RIMS2: variants seen among roughly 807,000 people sequenced by gnomAD.
RIMS2 encodes regulating synaptic membrane exocytosis protein 2.
A neutral mutation model predicts 174.4 loss-of-function variants in RIMS2; 59 were observed. The observed-to-expected ratio is 0.34, with a 90% CI of 0.27 to 0.42. The LOEUF (loss-of-function observed/expected upper bound fraction) is 0.42, where lower values mean the gene tolerates loss of function less well. RIMS2 is among the 10% of genes least tolerant of loss of function. The pLI is 1.00. For synonymous variants in RIMS2, 606 were observed against 572.5 expected (o/e 1.06, Z -0.84); for missense variants, 1,620 against 1,666.3 (o/e 0.97, Z 0.48).
rs1325635648 is a variant in RIMS2, at chr8:103,608,368, T to C, written c.177-88718T>C. Among the ~76,000 whole-genome samples, 6 of 143,494 alleles carry C rather than the reference T, an allele frequency of 4.2e-5. 1 individual carries two copies. The highest frequency in any genetic ancestry group is 7.7e-5 in the Non-Finnish European group (5 of 65,320). The allele number at this position is 143,494 out of a possible 152,430, so 94.1% of individuals were successfully genotyped here. A position where few individuals can be genotyped will look rare whatever the true frequency, so the allele number is the denominator to read the frequency against. ...GCCCGTTCTCAGATCTCCAGCTGCGTACTGGGAGAACCACTGCTCTCTTCA... is the reference window on the plus strand; with the variant it reads ...GCCCGTTCTCAGATCTCCAGCTGCGCACTGGGAGAACCACTGCTCTCTTCA... On this transcript the variant is annotated intron_variant, in intron 1 of 23. Coordinates refer to ENST00000504942, the Ensembl canonical transcript of RIMS2.
chr8:103,582,047 G>C (rs1220440221), intron 1 of RIMS2, among the ~76,000 whole-genome samples: 1 of 152,208 alleles, frequency 6.6e-6, no homozygotes, highest in Non-Finnish European at 1.5e-5. Flanking sequence ...GAGGAGAGGA[G>C]AGGGAAGAGT....
intron 1 of RIMS2, among the ~76,000 whole-genome samples, chr8:103,585,818 C>T (rs1291332936): frequency 6.6e-6 from 1 of 151,650 alleles, no homozygotes; most frequent in Non-Finnish European, 1.5e-5. Flanking sequence ...ACAGGTGCAG[C>T]ATACCACCAT....
rs1566595008 is a variant in RIMS2 at position 104,131,767 on chromosome 8, T to C, written c.3335-113149T>C. ...GCAAGAGAGAAAAACATATGCACAG[T>C]GGATGGCAACTAAATCTGACCAAGG... On this transcript the variant is annotated intron_variant, in intron 19 of 23. Coordinates refer to ENST00000504942, the Ensembl canonical transcript of RIMS2. Among the ~76,000 whole-genome samples the C allele has an allele frequency of 2.6e-5, 4 of 152,224 alleles. No homozygotes were observed. In the East Asian group the frequency reaches 5.8e-4, roughly 22 times the overall value.
At chr8:104,234,837 A>G (rs949198002) in intron 19 of RIMS2, among the ~76,000 whole-genome samples, 4 of 152,150 alleles carry the variant, frequency 2.6e-5, no homozygotes, top group Non-Finnish European at 1.5e-5. Context: ...ATCAAGACAC[A>G]CAAGAGGTCA....
chr8:103,601,220 T>A (rs1202567377), intron 1 of RIMS2, among the ~76,000 whole-genome samples: 2 of 152,218 alleles, frequency 1.3e-5, no homozygotes, highest in Non-Finnish European at 2.9e-5. Flanking sequence ...CATGATGTGA[T>A]CCCATTTGTC....
intron 1 of RIMS2, among the ~76,000 whole-genome samples, chr8:103,553,922 G>C (rs575778329): frequency 1.2e-4 from 17 of 147,434 alleles, no homozygotes; most frequent in Admixed American, 9.6e-4. Flanking sequence ...TCTAATCTTC[G>C]ACAAACTCAA....
chr8:103,940,801 G>A lies in RIMS2; in HGVS notation c.2548-1972G>A, dbSNP rs149190824. Among the ~76,000 whole-genome samples the A allele has an allele frequency of 3.4e-3, 520 of 151,692 alleles. 2 individuals carry two copies. Among genetic ancestry groups the A allele is most frequent in the African/African-American group, 0.012 (486 of 41,346 alleles). On this transcript the variant is annotated intron_variant, in intron 13 of 23. Transcript: ENST00000504942. ...TGAGGCAAGAGAATCACTTGAGCCC[G>A]GGAGGCGGAGCTTGCAGTGAGCCAG... is the stretch of plus-strand genomic sequence containing the variant.
At chr8:103,867,034 T>C (rs2154506606) in intron 3 of RIMS2, among the ~76,000 whole-genome samples, 1 of 152,066 alleles carries the variant, frequency 6.6e-6, no homozygotes, top group African/African-American at 2.4e-5. Flanking sequence ...ATACACATTT[T>C]TAAAATGTGA....
intron 1 of RIMS2, among the ~76,000 whole-genome samples, chr8:103,589,203 A>T (rs1164098483): frequency 2.0e-5 from 3 of 151,784 alleles, no homozygotes. Flanking sequence ...GATAATAACC[A>T]GAATATATAA....
At chr8:104,211,395 T>C (rs1273680074) in intron 19 of RIMS2, among the ~76,000 whole-genome samples, 3 of 152,120 alleles carry the variant, frequency 2.0e-5, no homozygotes, top group Non-Finnish European at 2.9e-5. Context: ...TTGGCCTGTT[T>C]GAGGAACAAA....
chr8:104,218,816 C>A (rs1471963917), intron 19 of RIMS2, among the ~76,000 whole-genome samples: 1 of 152,196 alleles, frequency 6.6e-6, no homozygotes, highest in Non-Finnish European at 1.5e-5. Flanking sequence ...TCACCCGCCA[C>A]TGCTCACCTC....
At chr8:103,742,025 T>A (rs1233661738) in intron 2 of RIMS2, among the ~76,000 whole-genome samples, 2 of 152,256 alleles carry the variant, frequency 1.3e-5, no homozygotes, top group East Asian at 3.9e-4. Context: ...ATTATATGTA[T>A]TAATGCTGTA....
At chr8:104,048,252 T>G (rs971680765) in intron 19 of RIMS2, among the ~76,000 whole-genome samples, 67 of 152,244 alleles carry the variant, frequency 4.4e-4, no homozygotes, top group African/African-American at 1.6e-3. Flanking sequence ...AATAAAACTC[T>G]AATAGACAAA....
intron 13 of RIMS2, among the ~76,000 whole-genome samples, chr8:103,937,022 C>T (rs181073218): frequency 0.016 from 2,367 of 151,630 alleles, 29 homozygotes; most frequent in Non-Finnish European, 0.025. Context: ...GGCGTGAGCC[C>T]GGGAGGCAGA....
chr8:104,025,896 G>A (rs2096246679), intron 19 of RIMS2, among the ~76,000 whole-genome samples: 1 of 152,010 alleles, frequency 6.6e-6, no homozygotes, highest in South Asian at 2.1e-4. Flanking sequence ...TATTTAGTAT[G>A]GTAACAAGCT....
At chr8:103,830,203 C>T (rs566651302) in intron 3 of RIMS2, among the ~76,000 whole-genome samples, 3 of 152,020 alleles carry the variant, frequency 2.0e-5, no homozygotes, top group Admixed American at 6.5e-5. Flanking sequence ...ACTTTTCTCT[C>T]GTTTGTCTAC....
intron 8 of RIMS2, among the ~76,000 whole-genome samples, chr8:103,917,046 C>G (rs2076747424): frequency 6.6e-6 from 1 of 152,106 alleles, no homozygotes. Flanking sequence ...TTTATAATGC[C>G]TATGCATTAA....
intron 19 of RIMS2, among the ~76,000 whole-genome samples, chr8:104,126,173 A>G (rs2098427360): frequency 6.6e-6 from 1 of 152,234 alleles, no homozygotes; most frequent in African/African-American, 2.4e-5. Context: ...AATTTTATTT[A>G]CTTAATGAAA....
Position 103,659,975 on chromosome 8 carries a change from G to C in RIMS2, c.177-37111G>C, listed in dbSNP as rs968373494. On this transcript the variant is annotated intron_variant, in intron 1 of 23. Transcript: ENST00000504942. ...ATTGATGTGGGCTCCCGCCTGGATG[G>C]TCTTCAGAACCGGGGCCCAGGCCGC... Among the ~76,000 whole-genome samples the C allele has an allele frequency of 5.9e-5, 9 of 152,202 alleles. 1 individual carries two copies. The South Asian group carries it at 1.9e-3, about 32-fold the overall frequency.
Sources: gnomAD v4.1 joint callset for allele counts (sites outside exome capture counted in the v4.1 genomes callset) on GRCh38, gnomAD v4.1.1 for gene constraint, MANE v1.5 for transcripts, NCBI Gene and HGNC (gene_info 2026-07-23, HGNC 2026-07-21) for gene names.